THEMIS: variants seen among roughly 807,000 people sequenced by gnomAD.
THEMIS encodes the protein protein THEMIS.
A neutral mutation model predicts 52.6 loss-of-function variants in THEMIS; 37 were observed. That is an observed-to-expected ratio of 0.70 (90% CI 0.54 to 0.93). The LOEUF (loss-of-function observed/expected upper bound fraction) is 0.93, where lower values mean the gene tolerates loss of function less well. Ranked by LOEUF, THEMIS falls within the 40% of genes least tolerant of loss-of-function variation. The probability of loss-of-function intolerance (pLI) is 0.00; values close to 1 mark genes in which losing one functional copy is unlikely to be tolerated. For missense variants in THEMIS, 808 were observed against 763.1 expected, an observed-to-expected ratio of 1.06 and a Z score of -0.69; for synonymous variants, 292 against 272.7, an observed-to-expected ratio of 1.07 and a Z score of -0.70.
At chr6:127,822,449 C>A (rs1034924229) in intron 3 of THEMIS, among the ~76,000 whole-genome samples, 2 of 152,038 alleles carry the variant, frequency 1.3e-5, no homozygotes, top group African/African-American at 4.8e-5. Context: ...GGCTCTGTAA[C>A]TCTTAGAAAA....
chr6:127,870,584 A>G (rs1780127699), intron 1 of THEMIS, among the ~76,000 whole-genome samples: 1 of 152,210 alleles, frequency 6.6e-6, no homozygotes, highest in Non-Finnish European at 1.5e-5. Flanking sequence ...CATAACCCAA[A>G]GACATGCTAT....
chr6:127,795,733 A>T (rs532973270), intron 4 of THEMIS, among the ~76,000 whole-genome samples: 1 of 152,320 alleles, frequency 6.6e-6, no homozygotes, highest in South Asian at 2.1e-4. Context: ...TAATACTAAG[A>T]AGAAGAAGAA....
intron 4 of THEMIS, among the ~76,000 whole-genome samples, chr6:127,727,356 A>C (rs537925595): frequency 2.0e-5 from 3 of 152,194 alleles, no homozygotes; most frequent in African/African-American, 7.2e-5. Flanking sequence ...GGAATCAACT[A>C]TGTGACACAT....
chr6:127,908,856 A>G (rs1233343767), intron 1 of THEMIS, among the ~76,000 whole-genome samples: 1 of 151,968 alleles, frequency 6.6e-6, no homozygotes, highest in Non-Finnish European at 1.5e-5. Flanking sequence ...AAACTCAAAG[A>G]TGCCATTTGC....
At chr6:127,729,150 CT>C (rs1774660475) in intron 4 of THEMIS, among the ~76,000 whole-genome samples, 2 of 17,130 alleles carry the variant, frequency 1.2e-4, no homozygotes, top group East Asian at 1.1e-3. Context: ...TTCTCTCTCT[CT>C]CTCTCTCTCT....
At chr6:127,835,185 C>A (rs1436942764) in intron 2 of THEMIS, among the ~76,000 whole-genome samples, 2 of 152,130 alleles carry the variant, frequency 1.3e-5, no homozygotes, top group African/African-American at 2.4e-5. Flanking sequence ...TTAAGAGGAT[C>A]TTCACAATAC....
chr6:127,804,939 T>C (rs564704066), intron 4 of THEMIS, among the ~76,000 whole-genome samples: 2 of 152,232 alleles, frequency 1.3e-5, no homozygotes, highest in Non-Finnish European at 2.9e-5. Flanking sequence ...TTGGTATCTT[T>C]TCAGTTACAC....
chr6:127,831,951 A>G lies in THEMIS; in HGVS notation c.251-2017T>C, dbSNP rs114899978. Among the ~76,000 whole-genome samples, 944 of 152,136 alleles carry G rather than the reference A, an allele frequency of 6.2e-3. 8 individuals carry two copies. Among genetic ancestry groups the G allele is most frequent in the African/African-American group, 0.022 (900 of 41,502 alleles). On this transcript the variant is annotated intron_variant, in intron 2 of 5. Transcript: ENST00000368248. ...CGCGTGCCTGTGTGTGTTTAATCTC[A>G]TTTGTCTGTGTGTGAAGATTTATTT...
the THEMIS span, among the ~76,000 whole-genome samples, chr6:127,699,490 C>A: frequency 6.7e-6 from 1 of 149,320 alleles, no homozygotes; most frequent in Admixed American, 6.8e-5. Context: ...CTGAATTTCA[C>A]AGGATACGTT....
chr6:127,850,628 C>T (rs1359237083), intron 2 of THEMIS, among the ~76,000 whole-genome samples: 1 of 151,718 alleles, frequency 6.6e-6, no homozygotes, highest in Admixed American at 6.6e-5. Flanking sequence ...ACTGCAATAA[C>T]TCAGGAATGA....
At chr6:127,830,242 T>C (rs543392205) in intron 2 of THEMIS, among the ~76,000 whole-genome samples, 34 of 152,336 alleles carry the variant, frequency 2.2e-4, no homozygotes, top group African/African-American at 7.9e-4. Context: ...CCAACTACTT[T>C]GTGATCCCAA....
At chr6:127,717,871 T>C (rs959933123) in intron 5 of THEMIS, among the ~76,000 whole-genome samples, 1 of 151,610 alleles carries the variant, frequency 6.6e-6, no homozygotes, top group Non-Finnish European at 1.5e-5. Context: ...CTGCAACTGT[T>C]ACTCTCGTCA....
intron 1 of THEMIS, among the ~76,000 whole-genome samples, chr6:127,871,694 AT>A (rs1780161713): frequency 2.0e-5 from 3 of 152,158 alleles, no homozygotes; most frequent in African/African-American, 7.2e-5. Context: ...TTTAGTTGAA[AT>A]AAACCAGTTC....
chr6:127,781,360 T>G (rs1776738021), intron 4 of THEMIS, among the ~76,000 whole-genome samples: 1 of 152,030 alleles, frequency 6.6e-6, no homozygotes, highest in Admixed American at 6.5e-5. Flanking sequence ...TTGGAGGAGT[T>G]TGTTATTACC....
chr6:127,716,178 A>G (rs1583191882), intron 5 of THEMIS, among the ~76,000 whole-genome samples: 1 of 152,062 alleles, frequency 6.6e-6, no homozygotes, highest in Non-Finnish European at 1.5e-5. Flanking sequence ...GAAAACATTT[A>G]TGTTTATGTA....
intron 2 of THEMIS, among the ~76,000 whole-genome samples, chr6:127,848,278 T>C (rs1006490721): frequency 6.6e-6 from 1 of 151,986 alleles, no homozygotes; most frequent in African/African-American, 2.4e-5. Context: ...AGCTGCATAG[T>C]ATTCCATGGT....
Position 127,872,290 on chromosome 6 carries a change from C to T in THEMIS, c.92-17102G>A, listed in dbSNP as rs116469886. Among the ~76,000 whole-genome samples, 757 of 152,144 alleles carry T rather than the reference C, an allele frequency of 5.0e-3. 6 individuals carry two copies. The highest frequency in any genetic ancestry group is 0.017 in the African/African-American group (723 of 41,534). ...TATTTATTTAAAAAACAAACTCTTA[C>T]GCTGGGAGTGGTGGCTCACACCTGT... On this transcript the variant is annotated intron_variant, in intron 1 of 5. Coordinates refer to ENST00000368248, the MANE Select transcript of THEMIS (RefSeq NM_001010923.3).
intron 1 of THEMIS, among the ~76,000 whole-genome samples, chr6:127,870,204 C>T (rs1280497735): frequency 6.6e-6 from 1 of 152,176 alleles, no homozygotes; most frequent in East Asian, 1.9e-4. Context: ...TCAGGCACTT[C>T]CCAGCCGCAT....
chr6:127,801,584 T>G (rs1173174930), intron 4 of THEMIS, among the ~76,000 whole-genome samples: 5 of 152,130 alleles, frequency 3.3e-5, no homozygotes, highest in South Asian at 4.1e-4. Flanking sequence ...CTTTTTTGCT[T>G]TTTTGCCAGA....
Sources: gnomAD v4.1 joint callset for allele counts (sites outside exome capture counted in the v4.1 genomes callset) on GRCh38, gnomAD v4.1.1 for gene constraint, MANE v1.5 for transcripts, NCBI Gene and HGNC (gene_info 2026-07-23, HGNC 2026-07-21) for gene names.